AGBL1: variants seen among roughly 807,000 people sequenced by gnomAD.
The protein encoded by AGBL1 is AGBL carboxypeptidase 1.
In AGBL1, 130 loss-of-function variants were observed where a neutral mutation model predicts 118.9. The observed-to-expected ratio is 1.09, with a 90% CI of 0.95 to 1.26. The LOEUF (loss-of-function observed/expected upper bound fraction) is 1.26. Ranked by LOEUF, AGBL1 falls within the 50% of genes most tolerant of loss-of-function variation. The pLI is 0.00. For missense variants in AGBL1, 1,584 were observed against 1,298.1 expected, an observed-to-expected ratio of 1.22 and a Z score of -3.38; for synonymous variants, 555 against 478.9, an observed-to-expected ratio of 1.16 and a Z score of -2.08.
chr15:86,598,264 C>T (rs568238297), intron 21 of AGBL1, among the ~76,000 whole-genome samples: 1 of 152,192 alleles, frequency 6.6e-6, no homozygotes, highest in African/African-American at 2.4e-5. Context: ...ATTTAAAACT[C>T]TGAGTAGAGT....
chr15:87,019,693 T>C (rs2081642544), intron 24 of AGBL1, among the ~76,000 whole-genome samples: 1 of 151,900 alleles, frequency 6.6e-6, no homozygotes, highest in African/African-American at 2.4e-5. Flanking sequence ...GTTAACAACC[T>C]AACATCACAA....
chr15:86,763,226 T>G (rs1219366374), intron 22 of AGBL1, among the ~76,000 whole-genome samples: 1 of 152,034 alleles, frequency 6.6e-6, no homozygotes. Flanking sequence ...TTATGACTTA[T>G]GCACATGGAC....
At chr15:86,709,847 GC>G (rs779353986) in intron 22 of AGBL1, among the ~76,000 whole-genome samples, 2 of 152,032 alleles carry the variant, frequency 1.3e-5, no homozygotes, top group Non-Finnish European at 2.9e-5. Context: ...ATAGAGTCTG[GC>G]CCATAGTAAA....
intron 17 of AGBL1, among the ~76,000 whole-genome samples, chr15:86,351,112 A>G (rs2080618922): frequency 6.6e-6 from 1 of 152,200 alleles, no homozygotes. Context: ...GGTAATTTAT[A>G]ATAAACAGAA....
intron 22 of AGBL1, among the ~76,000 whole-genome samples, chr15:86,885,498 C>T (rs952013231): frequency 2.0e-5 from 3 of 152,176 alleles, no homozygotes; most frequent in African/African-American, 7.2e-5. Flanking sequence ...AAAAGAGTGA[C>T]ACTCTCTATA....
intron 18 of AGBL1, among the ~76,000 whole-genome samples, chr15:86,455,414 T>C (rs2082247421): frequency 6.6e-6 from 1 of 152,154 alleles, no homozygotes; most frequent in South Asian, 2.1e-4. Flanking sequence ...CATCAGGCTT[T>C]CCATTAAATT....
At chr15:86,771,563 C>T (rs185139284) in intron 22 of AGBL1, among the ~76,000 whole-genome samples, 46 of 152,074 alleles carry the variant, frequency 3.0e-4, no homozygotes, top group African/African-American at 1.1e-3. Flanking sequence ...CCCTAACCCC[C>T]GTATTTCCAT....
chr15:86,340,728 C>A (rs2080448584), intron 17 of AGBL1, among the ~76,000 whole-genome samples: 1 of 152,174 alleles, frequency 6.6e-6, no homozygotes, highest in Non-Finnish European at 1.5e-5. Context: ...TTCCTCTATA[C>A]CTATCTGGTA....
Position 86,674,255 on chromosome 15 carries a change from G to A in AGBL1, c.2995-18G>A, listed in dbSNP as rs1420133856. On this transcript the variant is annotated intron_variant, in intron 21 of 22. Transcript: ENST00000614907. ...CCCATTATACGTTGCCACAGTTAAT[G>A]CTTTGTTTAACTGGCAGGGTCTACA... is the stretch of plus-strand genomic sequence containing the variant. 1 of 1,600,220 alleles carries A rather than the reference G, an allele frequency of 6.2e-7. No homozygotes were observed.
intron 6 of AGBL1, among the ~76,000 whole-genome samples, chr15:86,227,779 G>A (rs535862848): frequency 6.0e-4 from 92 of 152,348 alleles, no homozygotes; most frequent in African/African-American, 2.1e-3. Flanking sequence ...TTCATAAGAG[G>A]TAAGAACACT....
At chr15:86,583,035 T>C (rs1368845358) in intron 21 of AGBL1, among the ~76,000 whole-genome samples, 1 of 152,062 alleles carries the variant, frequency 6.6e-6, no homozygotes, top group African/African-American at 2.4e-5. Flanking sequence ...AGTTATAATA[T>C]TTTTTGAAAT....
intron 6 of AGBL1, among the ~76,000 whole-genome samples, chr15:86,227,998 G>A (rs1289646397): frequency 2.0e-5 from 3 of 152,162 alleles, no homozygotes; most frequent in Admixed American, 1.3e-4. Context: ...TGGATTTGGG[G>A]AGAAGTAATA....
chr15:86,135,241 C>T (rs902831243), intron 1 of AGBL1, among the ~76,000 whole-genome samples: 1 of 152,204 alleles, frequency 6.6e-6, no homozygotes, highest in African/African-American at 2.4e-5. Context: ...GTGATCTGCA[C>T]ATGCAGGCTC....
At chr15:86,930,573 T>C in intron 23 of AGBL1, among the ~76,000 whole-genome samples, 1 of 152,040 alleles carries the variant, frequency 6.6e-6, no homozygotes, top group Middle Eastern at 3.2e-3. Flanking sequence ...TGTAGATAGC[T>C]CCCTTAAAAA....
chr15:86,177,606 C>T (rs1025294633), intron 5 of AGBL1, among the ~76,000 whole-genome samples: 1 of 152,042 alleles, frequency 6.6e-6, no homozygotes, highest in Admixed American at 6.6e-5. Flanking sequence ...GTTCTATGAC[C>T]ACAAGGAAAT....
At chr15:86,217,796 G>A (rs1289749674) in intron 5 of AGBL1, among the ~76,000 whole-genome samples, 1 of 152,140 alleles carries the variant, frequency 6.6e-6, no homozygotes, top group East Asian at 1.9e-4. Context: ...GGAGAGGGTG[G>A]CATCTGCCAG....
At chr15:86,574,688 C>T (rs2084059180) in intron 21 of AGBL1, among the ~76,000 whole-genome samples, 1 of 139,636 alleles carries the variant, frequency 7.2e-6, no homozygotes, top group African/African-American at 2.6e-5. Flanking sequence ...AGCGATTCTT[C>T]TGCCTCAGTC....
At chr15:86,526,666 A>G (rs529106330) in intron 19 of AGBL1, among the ~76,000 whole-genome samples, 1 of 150,504 alleles carries the variant, frequency 6.6e-6, no homozygotes, top group South Asian at 2.1e-4. Flanking sequence ...TACATATACC[A>G]TGGAATACTA....
intron 4 of AGBL1, 29 bp from the exon 5 acceptor site, chr15:86,158,904 C>A: frequency 6.2e-7 from 1 of 1,601,954 alleles, no homozygotes; most frequent in South Asian, 1.1e-5. Flanking sequence ...CACTTGTGAC[C>A]ATAACTACTG....
Sources: allele counts gnomAD v4.1 joint callset (sites outside exome capture counted in the v4.1 genomes callset), GRCh38; gene constraint gnomAD v4.1.1; transcripts MANE v1.5; gene names NCBI Gene and HGNC (gene_info 2026-07-23, HGNC 2026-07-21).